The following CMIP variants were observed in gnomAD, a reference collection of about 807,000 sequenced individuals.
The protein encoded by CMIP is C-Maf-inducing protein.
A neutral mutation model predicts 97.3 loss-of-function variants in CMIP; 13 were observed. The observed-to-expected ratio is 0.13, with a 90% CI of 0.09 to 0.21. The LOEUF (loss-of-function observed/expected upper bound fraction) is 0.21. Among genes scored for constraint, CMIP ranks in the 10% least tolerant of loss-of-function variants. The pLI, the probability that CMIP is intolerant of heterozygous loss-of-function variation, is 1.00. For synonymous variants in CMIP, 538 were observed against 436.3 expected (o/e 1.23, Z -2.91); for missense variants, 847 against 1,024.9 (o/e 0.83, Z 2.37).
intron 1 of CMIP, among the ~76,000 whole-genome samples, chr16:81,491,458 T>C (rs1473646355): frequency 6.6e-6 from 1 of 152,242 alleles, no homozygotes; most frequent in African/African-American, 2.4e-5. Context: ...GAAAGCCCTC[T>C]GTGGGCTCCA....
chr16:81,479,991 G>T (rs1336146542), intron 1 of CMIP, among the ~76,000 whole-genome samples: 2 of 152,166 alleles, frequency 1.3e-5, no homozygotes, highest in Non-Finnish European at 2.9e-5. Context: ...CTCAGCCCTG[G>T]CCGCACAATG....
At chr16:81,570,778 C>T (rs1044751060) in intron 1 of CMIP, among the ~76,000 whole-genome samples, 1 of 152,142 alleles carries the variant, frequency 6.6e-6, no homozygotes, top group African/African-American at 2.4e-5. Flanking sequence ...ATTCTGTTCC[C>T]AATCCAAGCC....
chr16:81,500,226 T>G (rs896414511), intron 1 of CMIP, among the ~76,000 whole-genome samples: 1 of 137,694 alleles, frequency 7.3e-6, no homozygotes, highest in African/African-American at 2.8e-5. Context: ...TGAATTTTGA[T>G]TCTTTATCAA....
At chr16:81,526,230 T>G (rs764116523) in intron 1 of CMIP, among the ~76,000 whole-genome samples, 26 of 152,242 alleles carry the variant, frequency 1.7e-4, no homozygotes, top group Non-Finnish European at 2.6e-4. Context: ...CCAGGAATTC[T>G]CAACCTTGGG....
chr16:81,666,199 G>A (rs1324360275), intron 7 of CMIP: 1 of 152,166 alleles, frequency 6.6e-6, no homozygotes, highest in Non-Finnish European at 1.5e-5. Context: ...AAATCACTAC[G>A]GGTGTAGTGT....
intron 1 of CMIP, among the ~76,000 whole-genome samples, chr16:81,557,959 C>T (rs2090799913): frequency 6.6e-6 from 1 of 152,188 alleles, no homozygotes; most frequent in Non-Finnish European, 1.5e-5. Flanking sequence ...CATTCCCCTC[C>T]CCGAGCCCCT....
intron 1 of CMIP, among the ~76,000 whole-genome samples, chr16:81,501,166 G>C (rs2089603889): frequency 1.3e-5 from 2 of 152,346 alleles, no homozygotes; most frequent in South Asian, 4.1e-4. Context: ...AATTTGTGTT[G>C]GTGAAATTCC....
chr16:81,687,612 C>G (rs1014160790), intron 10 of CMIP, among the ~76,000 whole-genome samples: 2 of 152,188 alleles, frequency 1.3e-5, no homozygotes, highest in African/African-American at 4.8e-5. Flanking sequence ...AAATCACAAA[C>G]AGCTCTGAGC....
At chr16:81,492,760 A>T (rs1597472764) in intron 1 of CMIP, among the ~76,000 whole-genome samples, 1 of 152,022 alleles carries the variant, frequency 6.6e-6, no homozygotes. Flanking sequence ...GGCAGCCGGG[A>T]TAAGGAGGAC....
rs371955327 is a variant in CMIP at position 81,614,733 on chromosome 16, GTC to G, written c.427-6139_427-6138del. ...TGCATGTGTGTGCGTACACATGTGTGTCTCTGTGAGTGTGTATGTGTCTATGT... is the reference window on the plus strand; with the variant it reads ...TGCATGTGTGTGCGTACACATGTGTGTCTGTGAGTGTGTATGTGTCTATGT... On this transcript the variant is annotated intron_variant, in intron 2 of 20. Coordinates refer to ENST00000537098, the MANE Select transcript of CMIP (RefSeq NM_198390.3). This position sits in a 1 kb window ranked among gnomAD's most constrained non-coding sequence, Gnocchi z 5.3. Among the ~76,000 whole-genome samples the G allele has an allele frequency of 4.0e-5, 6 of 151,852 alleles. No individual in the cohort carries two copies. The South Asian group carries it at 1.2e-3, about 32-fold the overall frequency.
chr16:81,593,175 C>G (rs1436095416), intron 1 of CMIP, among the ~76,000 whole-genome samples: 5 of 152,224 alleles, frequency 3.3e-5, no homozygotes, highest in African/African-American at 1.2e-4. Context: ...TTGACCGTCT[C>G]CACAGAGCCC....
At chr16:81,676,428 C>T (rs1904311000) in intron 9 of CMIP, among the ~76,000 whole-genome samples, 1 of 152,068 alleles carries the variant, frequency 6.6e-6, no homozygotes, top group Admixed American at 6.6e-5. Flanking sequence ...ACAACTTGAC[C>T]CAGGTTAGCG....
rs541095707 is a variant in CMIP, at chr16:81,626,207, G to C, written c.477+5281G>C. Among the ~76,000 whole-genome samples, 3 of 152,332 alleles carry C rather than the reference G, an allele frequency of 2.0e-5. No homozygotes were observed. The East Asian group carries it at 5.8e-4, about 29-fold the overall frequency. ...GTGGGGTGTGTGAGTGTGAGAGTGA[G>C]TGTGTGTGCGCGTGAGAATGTGTGT... On this transcript the variant is annotated intron_variant, in intron 3 of 20. Transcript: ENST00000537098.
chr16:81,548,455 A>G (rs1016733820), intron 1 of CMIP, among the ~76,000 whole-genome samples: 1 of 152,022 alleles, frequency 6.6e-6, no homozygotes, highest in Non-Finnish European at 1.5e-5. Context: ...TATTGCGGGC[A>G]CTGTCCTGGG....
At chr16:81,561,043 C>T (rs1597562797) in intron 1 of CMIP, among the ~76,000 whole-genome samples, 1 of 152,230 alleles carries the variant, frequency 6.6e-6, no homozygotes, top group African/African-American at 2.4e-5. Context: ...CAATCTTCAC[C>T]TCCTGGGTTC....
At chr16:81,572,243 C>T (rs1428634258) in intron 1 of CMIP, among the ~76,000 whole-genome samples, 1 of 152,240 alleles carries the variant, frequency 6.6e-6, no homozygotes, top group Non-Finnish European at 1.5e-5. Flanking sequence ...CATTTCTCAT[C>T]TCTGTCTACA....
chr16:81,540,805 C>T (rs373008438), intron 1 of CMIP, among the ~76,000 whole-genome samples: 1 of 152,084 alleles, frequency 6.6e-6, no homozygotes, highest in Admixed American at 6.5e-5. Flanking sequence ...CTCAGCCTCC[C>T]GAGTAGCTGG....
chr16:81,536,173 T>A (rs1396323166), intron 1 of CMIP, among the ~76,000 whole-genome samples: 2 of 152,224 alleles, frequency 1.3e-5, no homozygotes, highest in Non-Finnish European at 2.9e-5. Context: ...GTGTTAATTA[T>A]TAAAATTTCA....
At chr16:81,583,310 G>A (rs1368611659) in intron 1 of CMIP, among the ~76,000 whole-genome samples, 1 of 152,226 alleles carries the variant, frequency 6.6e-6, no homozygotes, top group Non-Finnish European at 1.5e-5. Flanking sequence ...CCCCGGGGTC[G>A]GGGCTCCGGG....
Sources: allele counts gnomAD v4.1 joint callset (sites outside exome capture counted in the v4.1 genomes callset), GRCh38; gene constraint gnomAD v4.1.1; non-coding constraint Gnocchi (gnomAD v3.1); transcripts MANE v1.5; gene names NCBI Gene and HGNC (gene_info 2026-07-23, HGNC 2026-07-21).